ZNF507: variants seen among roughly 807,000 people sequenced by gnomAD.
The protein encoded by ZNF507 is zinc finger protein 507.
A neutral mutation model predicts 80.0 loss-of-function variants in ZNF507; 29 were observed. The ratio of observed to expected loss-of-function variants is 0.36; its 90% CI spans 0.27 to 0.49. The LOEUF (loss-of-function observed/expected upper bound fraction) is 0.49, where lower values mean the gene tolerates loss of function less well. ZNF507 is among the 20% of genes least tolerant of loss of function. ZNF507 has a pLI of 0.98. For missense variants in ZNF507, 1,081 were observed against 1,152.2 expected, an observed-to-expected ratio of 0.94 and a Z score of 0.90; for synonymous variants, 462 against 422.5, an observed-to-expected ratio of 1.09 and a Z score of -1.15.
intron 2 of ZNF507, among the ~76,000 whole-genome samples, chr19:32,351,507 A>G (rs1223217266): frequency 5.9e-4 from 5 of 8,536 alleles, no homozygotes; most frequent in Admixed American, 1.7e-3. Flanking sequence ...GTGTTTGTGT[A>G]TATGTGTGTG....
Position 32,353,722 on chromosome 19 carries a change from G to C in ZNF507, c.892G>C (p.Ala298Pro). 2 of 1,614,228 alleles carry C rather than the reference G, an allele frequency of 1.2e-6. No individual in the cohort carries two copies. The highest frequency in any genetic ancestry group is 1.7e-6 in the Non-Finnish European group (2 of 1,180,048). Reference protein sequence around the residue: ...LGLLDSSAAAAPGGVDAVVIA... With the variant: ...LGLLDSSAAAPPGGVDAVVIA... The stretch of plus-strand genomic sequence containing the variant: ...CCTGCTGGATTCTTCAGCAGCTGCT[G>C]CGCCTGGTGGGGTCGATGCAGTCGT... Residue 298 changes from alanine to proline, a missense_variant, in exon 3 of 7, where the codon GCG becomes CCG. Ala to Pro is a conservative substitution (Grantham distance 27). This residue lies in a region of ZNF507 where 614 missense variants were observed against 583.9 expected (regional missense o/e 1.05). Coordinates refer to ENST00000355898, the MANE Select transcript of ZNF507 (RefSeq NM_001136156.2).
Position 32,383,937 on chromosome 19 carries a change from T to G in ZNF507, c.*854T>G, listed in dbSNP as rs1967656401. The G allele has an allele frequency of 1.3e-5, 2 of 152,220 alleles. No homozygotes were observed. Among genetic ancestry groups the G allele is most frequent in the South Asian group, 4.1e-4 (2 of 4,836 alleles). 9.4% of individuals were successfully genotyped at this position (152,220 alleles called of 1,614,324 possible). ...AATACTCTGCTAAATGAAACCACACTTGTTATCTGAAAGTGTGTGAAAGAA... is the reference window on the plus strand; with the variant it reads ...AATACTCTGCTAAATGAAACCACACGTGTTATCTGAAAGTGTGTGAAAGAA... On this transcript the variant is annotated 3_prime_UTR_variant, in exon 7 of 7. Coordinates refer to ENST00000355898, the MANE Select transcript of ZNF507 (RefSeq NM_001136156.2).
At chr19:32,381,187 T>A (rs1445624021) in intron 5 of ZNF507, among the ~76,000 whole-genome samples, 3 of 152,026 alleles carry the variant, frequency 2.0e-5, no homozygotes, top group African/African-American at 4.8e-5. Flanking sequence ...AACAAAAAGA[T>A]CAGTGGTTGC....
At chr19:32,361,318 T>A (rs1350006417) in intron 5 of ZNF507, among the ~76,000 whole-genome samples, 15 of 152,166 alleles carry the variant, frequency 9.9e-5, no homozygotes, top group Non-Finnish European at 1.6e-4. Context: ...TGCTAGGCAA[T>A]GCGCATGAAC....
intron 3 of ZNF507, 99 bp downstream of exon 3, chr19:32,355,056 G>C (rs1251835696): frequency 7.4e-6 from 9 of 1,220,746 alleles, no homozygotes; most frequent in Non-Finnish European, 9.9e-6. Flanking sequence ...TTATAGATAA[G>C]GAAACTGGGT....
chr19:32,375,334 A>G (rs1334606781), intron 5 of ZNF507, among the ~76,000 whole-genome samples: 1 of 152,178 alleles, frequency 6.6e-6, no homozygotes, highest in Non-Finnish European at 1.5e-5. Context: ...CTAGCCCCAA[A>G]TGTCAGGAAT....
intron 2 of ZNF507, among the ~76,000 whole-genome samples, chr19:32,350,576 G>A (rs1967149810): frequency 6.6e-6 from 1 of 152,062 alleles, no homozygotes; most frequent in Non-Finnish European, 1.5e-5. Flanking sequence ...ATATCCACAG[G>A]GAGCAATTTG....
chr19:32,352,205 G>T (rs1263847083), intron 2 of ZNF507, among the ~76,000 whole-genome samples: 1 of 151,856 alleles, frequency 6.6e-6, no homozygotes, highest in East Asian at 1.9e-4. Context: ...CTAGATTATT[G>T]CTTTTATTTA....
In ZNF507 at chr19:32,384,311, C is replaced by T. The variant is rs1967661361; in HGVS notation, c.*1228C>T. 1 of 152,152 alleles carries T rather than the reference C, an allele frequency of 6.6e-6. No individual in the cohort carries two copies. Among genetic ancestry groups the T allele is most frequent in the South Asian group, 2.1e-4 (1 of 4,830 alleles). 9.4% of individuals were successfully genotyped at this position (152,152 alleles called of 1,614,324 possible). ...AAAGTGCTTTAGCATTAAAACTCAC[C>T]ATCAAATAGATGTAATCTTATTAAT... On this transcript the variant is annotated 3_prime_UTR_variant, in exon 7 of 7. Coordinates refer to ENST00000355898, the MANE Select transcript of ZNF507 (RefSeq NM_001136156.2).
chr19:32,354,168 A>G lies in ZNF507; in HGVS notation c.1338A>G (p.Lys446=), dbSNP rs201809940. The change falls in exon 3 of 7, where the codon AAA becomes AAG. Residue 446 remains lysine (K), a synonymous_variant. Coordinates refer to ENST00000355898, the MANE Select transcript of ZNF507 (RefSeq NM_001136156.2). The part of the protein sequence containing the change: ...EGMDDVYRAD[K]CTVDIGGLII... ...TGGATGATGTTTATCGTGCTGATAA[A>G]TGTACTGTTGATATTGGGGGATTGA... is the stretch of plus-strand genomic sequence containing the variant. 1 of 1,613,304 alleles carries G rather than the reference A, an allele frequency of 6.2e-7. No homozygotes were observed. The highest frequency in any genetic ancestry group is 1.3e-5 in the African/African-American group (1 of 75,030).
At chr19:32,368,542 G>C (rs772401588) in intron 5 of ZNF507, among the ~76,000 whole-genome samples, 4 of 152,208 alleles carry the variant, frequency 2.6e-5, no homozygotes, top group Non-Finnish European at 2.9e-5. Flanking sequence ...ACAGGCTTCA[G>C]TCTTTTTTCA....
intron 1 of ZNF507, among the ~76,000 whole-genome samples, chr19:32,346,012 C>T (rs1012764122): frequency 2.6e-5 from 4 of 152,210 alleles, no homozygotes; most frequent in South Asian, 2.1e-4. Flanking sequence ...ACTTGCTGCT[C>T]CCTGCATACT....
At chr19:32,346,392 A>T (rs965090482) in intron 1 of ZNF507, among the ~76,000 whole-genome samples, 1 of 152,210 alleles carries the variant, frequency 6.6e-6, no homozygotes, top group African/African-American at 2.4e-5. Context: ...GGTGGCGGCC[A>T]CTTTCCCAAC....
chr19:32,381,642 C>T (rs1237109571), intron 5 of ZNF507, among the ~76,000 whole-genome samples: 1 of 152,004 alleles, frequency 6.6e-6, no homozygotes, highest in African/African-American at 2.4e-5. Context: ...CAAAAAACCC[C>T]ACAGAATTGT....
chr19:32,359,413 A>G (rs1031660831), intron 4 of ZNF507: 1 of 152,158 alleles, frequency 6.6e-6, no homozygotes, highest in Non-Finnish European at 1.5e-5. Flanking sequence ...CAGGTGTTCT[A>G]CCTAAGCTTT....
intron 5 of ZNF507, among the ~76,000 whole-genome samples, chr19:32,361,825 C>A (rs1174654629): frequency 6.9e-6 from 1 of 144,740 alleles, no homozygotes; most frequent in Non-Finnish European, 1.5e-5. Flanking sequence ...TCCTTCCTTT[C>A]CTTTCTTCCT....
chr19:32,354,546 G>A lies in ZNF507; in HGVS notation c.1716G>A (p.Gln572=). The A allele has an allele frequency of 6.2e-7, 1 of 1,614,176 alleles. No individual in the cohort carries two copies. Among genetic ancestry groups the A allele is most frequent in the South Asian group, 1.1e-5 (1 of 91,080 alleles). Residue 572 remains glutamine, a synonymous_variant, in exon 3 of 7, where the codon CAG becomes CAA. Transcript: ENST00000355898. ...STLVALPEGR[Q]ELSDGQVKTG... is the part of the protein sequence containing the mutation. The stretch of plus-strand genomic sequence containing the variant: ...TGGTAGCACTCCCAGAGGGTAGGCA[G>A]GAATTGTCAGATGGGCAGGTTAAGA...
In ZNF507 at chr19:32,353,733, G is replaced by A; in HGVS notation, c.903G>A (p.Gly301=). 1.2e-6 allele frequency: 2 copies of A among 1,614,142 alleles called. No homozygotes were observed. The highest frequency in any genetic ancestry group is 1.7e-6 in the Non-Finnish European group (2 of 1,180,028). ...LDSSAAAAPG[G]VDAVVIAIGE... ...CTTCAGCAGCTGCTGCGCCTGGTGG[G>A]GTCGATGCAGTCGTCATTGCTATTG... Residue 301 remains glycine (G), a synonymous_variant, in exon 3 of 7, where the codon GGG becomes GGA. Coordinates refer to ENST00000355898, the MANE Select transcript of ZNF507 (RefSeq NM_001136156.2).
At position 32,383,007 on chromosome 19, in the gene ZNF507, A is replaced by G; in HGVS notation, c.2786A>G (p.His929Arg). The G allele has an allele frequency of 6.2e-7, 1 of 1,614,170 alleles. No individual in the cohort carries two copies. The highest frequency in any genetic ancestry group is 8.5e-7 in the Non-Finnish European group (1 of 1,180,016). ...ESTSKENLLDHMKEHEGEIVN... is the reference protein window; with the variant it reads ...ESTSKENLLDRMKEHEGEIVN... The stretch of plus-strand genomic sequence containing the variant: ...ACCAGCAAAGAAAACCTCTTGGATC[A>G]TATGAAAGAGCACGAGGGTGAAATT... Residue 929 changes from histidine to arginine, a missense_variant, in exon 7 of 7, where the codon CAT becomes CGT. His to Arg is a conservative substitution (Grantham distance 29, BLOSUM62 0). Coordinates refer to ENST00000355898, the MANE Select transcript of ZNF507 (RefSeq NM_001136156.2).
Sources: gnomAD v4.1 joint callset for allele counts (sites outside exome capture counted in the v4.1 genomes callset) on GRCh38, gnomAD v4.1.1 for gene constraint, gnomAD v4.1.1 regional missense constraint, MANE v1.5 for transcripts, NCBI Gene and HGNC (gene_info 2026-07-23, HGNC 2026-07-21) for gene names.